MITF: variants seen among roughly 807,000 people sequenced by gnomAD.
MITF encodes the protein melanocyte inducing transcription factor.
Under a neutral mutation model 60.5 loss-of-function variants are expected in MITF, and 17 were observed. The observed-to-expected ratio is 0.28, with a 90% CI of 0.19 to 0.42. The LOEUF is 0.42. Among genes scored for constraint, MITF ranks in the 10% least tolerant of loss-of-function variants. The pLI is 1.00. For synonymous variants in MITF, 260 were observed against 248.5 expected (o/e 1.05, Z -0.43); for missense variants, 622 against 683.5 (o/e 0.91, Z 1.00).
chr3:69,892,528 A>G (rs1389708094), intron 2 of MITF, among the ~76,000 whole-genome samples: 1 of 152,222 alleles, frequency 6.6e-6, no homozygotes, highest in Non-Finnish European at 1.5e-5. Context: ...ACATGTATCC[A>G]CCATGATAGT....
At chr3:69,939,527 T>G (rs2065922835) in intron 4 of MITF, among the ~76,000 whole-genome samples, 1 of 152,078 alleles carries the variant, frequency 6.6e-6, no homozygotes, top group South Asian at 2.1e-4. Flanking sequence ...AACCAAGATG[T>G]GTGTGTATAA....
At chr3:69,950,936 G>T (rs1199700341) in intron 6 of MITF, among the ~76,000 whole-genome samples, 1 of 151,824 alleles carries the variant, frequency 6.6e-6, no homozygotes, top group African/African-American at 2.4e-5. Flanking sequence ...TTCCTATTTT[G>T]TTTTTATAGA....
intron 1 of MITF, among the ~76,000 whole-genome samples, chr3:69,772,639 A>T (rs1411266259): frequency 6.6e-6 from 1 of 152,178 alleles, no homozygotes; most frequent in Non-Finnish European, 1.5e-5. Context: ...TAGTTTACTG[A>T]CTTCCATGCG....
chr3:69,864,806 C>A (rs985055322), intron 1 of MITF, among the ~76,000 whole-genome samples: 4 of 152,016 alleles, frequency 2.6e-5, no homozygotes, highest in African/African-American at 9.7e-5. Flanking sequence ...GCCAACTTCC[C>A]ACCTCATAGT....
intron 2 of MITF, among the ~76,000 whole-genome samples, chr3:69,929,224 C>A (rs147021415): frequency 6.6e-6 from 1 of 152,148 alleles, no homozygotes. Flanking sequence ...GCTTCACTGA[C>A]GTACCAAATA....
chr3:69,861,127 A>G (rs2064009035), intron 1 of MITF, among the ~76,000 whole-genome samples: 1 of 152,204 alleles, frequency 6.6e-6, no homozygotes, highest in African/African-American at 2.4e-5. Context: ...AAAGCTTGCA[A>G]ATAAAGAGTA....
chr3:69,913,610 A>G (rs1005413102), intron 2 of MITF, among the ~76,000 whole-genome samples: 1 of 152,216 alleles, frequency 6.6e-6, no homozygotes, highest in Non-Finnish European at 1.5e-5. Context: ...ATAGTGATTG[A>G]CTGCATCTCA....
intron 4 of MITF, 90 bp from the exon 5 acceptor site, chr3:69,941,146 T>C (rs575432769): frequency 2.5e-6 from 2 of 792,368 alleles, no homozygotes; most frequent in Non-Finnish European, 2.1e-6. Context: ...CATTATTGCT[T>C]TGGGTAAAAA....
chr3:69,904,915 GC>G (rs1243540515), intron 2 of MITF, among the ~76,000 whole-genome samples: 2 of 152,006 alleles, frequency 1.3e-5, no homozygotes, highest in African/African-American at 4.8e-5. Context: ...AGATGTTAGC[GC>G]AACCCATTCA....
At chr3:69,939,788 TAA>T (rs1161282765) in intron 4 of MITF, among the ~76,000 whole-genome samples, 1 of 152,144 alleles carries the variant, frequency 6.6e-6, no homozygotes, top group Non-Finnish European at 1.5e-5. Flanking sequence ...ATTTTTGTCA[TAA>T]GAGAAAAAAA....
chr3:69,807,741 C>T (rs1471963210), intron 1 of MITF, among the ~76,000 whole-genome samples: 1 of 152,178 alleles, frequency 6.6e-6, no homozygotes, highest in Non-Finnish European at 1.5e-5. Context: ...TTGACCTCAT[C>T]AAAGCAGTTA....
chr3:69,787,164 C>G (rs936116138), intron 1 of MITF, among the ~76,000 whole-genome samples: 10 of 152,178 alleles, frequency 6.6e-5, no homozygotes, highest in Non-Finnish European at 1.3e-4. Flanking sequence ...AAGTCATGTT[C>G]CATTCATGAG....
At chr3:69,848,957 C>CT (rs55969316) in intron 1 of MITF, among the ~76,000 whole-genome samples, 5,392 of 73,274 alleles carry the variant, frequency 0.074, 350 homozygotes, top group African/African-American at 0.11. Context: ...AAAGATTCTT[C>CT]TTTTTTTTTT....
intron 1 of MITF, among the ~76,000 whole-genome samples, chr3:69,843,663 A>T (rs2063679049): frequency 2.0e-5 from 3 of 152,118 alleles, no homozygotes; most frequent in Admixed American, 2.0e-4. Flanking sequence ...TTTTATGTAT[A>T]TAGTTAGTCA....
chr3:69,911,480 T>A (rs890132098), intron 2 of MITF, among the ~76,000 whole-genome samples: 1 of 152,142 alleles, frequency 6.6e-6, no homozygotes, highest in African/African-American at 2.4e-5. Context: ...TGTTAGGTTT[T>A]TAACCACACT....
intron 1 of MITF, among the ~76,000 whole-genome samples, chr3:69,793,949 G>A (rs768869350): frequency 1.3e-5 from 2 of 152,202 alleles, no homozygotes; most frequent in Non-Finnish European, 2.9e-5. Flanking sequence ...CTCAAATGAG[G>A]CAGGAATGCC....
rs570185249 is a variant in MITF at position 69,927,996 on chromosome 3, G to A, written c.355-9826G>A. ...CAGAGTGTTTTAGACTTTTGGGGCC[G>A]TCGGGTCCATTACTCAACTATGCTC... is the stretch of plus-strand genomic sequence containing the variant. On this transcript the variant is annotated intron_variant, in intron 2 of 9. Transcript: ENST00000352241. Among the ~76,000 whole-genome samples, 406 of 152,314 alleles carry A rather than the reference G, an allele frequency of 2.7e-3. 1 individual carries two copies. The highest frequency in any genetic ancestry group is 9.5e-3 in the African/African-American group (394 of 41,578).
At chr3:69,866,982 G>A (rs1199432191) in intron 1 of MITF, among the ~76,000 whole-genome samples, 1 of 152,014 alleles carries the variant, frequency 6.6e-6, no homozygotes, top group Non-Finnish European at 1.5e-5. Context: ...TGTAGAACAA[G>A]TTTAAAAAAT....
intron 1 of MITF, among the ~76,000 whole-genome samples, chr3:69,754,998 T>C (rs1389506081): frequency 6.6e-6 from 1 of 152,034 alleles, no homozygotes; most frequent in East Asian, 1.9e-4. Context: ...GTCTTTAAGT[T>C]AGGTAATCAG....
Sources: allele counts gnomAD v4.1 joint callset (sites outside exome capture counted in the v4.1 genomes callset), GRCh38; gene constraint gnomAD v4.1.1; transcripts MANE v1.5; gene names NCBI Gene and HGNC (gene_info 2026-07-23, HGNC 2026-07-21).